The following PRR5L variants were observed in gnomAD, a reference collection of about 807,000 sequenced individuals.
The protein encoded by PRR5L is proline rich 5 like.
In PRR5L, 21 loss-of-function variants were observed where a neutral mutation model predicts 36.4. The observed-to-expected ratio is 0.58, with a 90% CI of 0.41 to 0.83. The LOEUF (loss-of-function observed/expected upper bound fraction) is 0.83. PRR5L is among the 40% of genes least tolerant of loss of function. The probability of loss-of-function intolerance (pLI) is 0.00; values close to 1 mark genes in which losing one functional copy is unlikely to be tolerated. For missense variants in PRR5L, 381 were observed against 473.3 expected (o/e 0.80, Z 1.81); for synonymous variants, 188 against 197.0 (o/e 0.95, Z 0.38).
chr11:36,432,163 G>GTTTTGTT (rs1564947448), intron 5 of PRR5L, among the ~76,000 whole-genome samples: 1 of 7,952 alleles, frequency 1.3e-4, no homozygotes, highest in East Asian at 2.4e-3. Flanking sequence ...GTTTTTTTTT[G>GTTTTGTT]TTTTGTTTTT....
At chr11:36,319,400 C>T (rs1856590776) in intron 1 of PRR5L, among the ~76,000 whole-genome samples, 1 of 152,216 alleles carries the variant, frequency 6.6e-6, no homozygotes, top group Non-Finnish European at 1.5e-5. Context: ...ATCTGAGTCC[C>T]TTGATCTAGC....
chr11:36,429,511 T>TC lies in PRR5L; in HGVS notation c.295-2336dup, dbSNP rs1564946515. Among the ~76,000 whole-genome samples the TC allele has an allele frequency of 5.3e-5, 8 of 151,602 alleles. No homozygotes were observed. The South Asian group carries it at 1.5e-3, about 28-fold the overall frequency. ...GTCCATGCCTCAGTTCCCCCTATCC[T>TC]CCCCCCATGTAGATAATTATAGTGA... On this transcript the variant is annotated intron_variant, in intron 4 of 8. Coordinates refer to ENST00000530639, the MANE Select transcript of PRR5L (RefSeq NM_001160167.2).
chr11:36,330,521 G>T (rs543975687), intron 1 of PRR5L, among the ~76,000 whole-genome samples: 1 of 152,106 alleles, frequency 6.6e-6, no homozygotes, highest in Non-Finnish European at 1.5e-5. Context: ...CCTTTCCGTG[G>T]GTCTTGAGAG....
intron 4 of PRR5L, among the ~76,000 whole-genome samples, chr11:36,422,328 G>T (rs768552194): frequency 6.6e-6 from 1 of 152,172 alleles, no homozygotes; most frequent in Non-Finnish European, 1.5e-5. Flanking sequence ...CAGAAAGTGT[G>T]TTCCTCCAGT....
chr11:36,460,293 C>A (rs565479692), intron 8 of PRR5L, among the ~76,000 whole-genome samples: 1 of 152,142 alleles, frequency 6.6e-6, no homozygotes, highest in Admixed American at 6.5e-5. Context: ...GTCTGTCAGC[C>A]GGTGGAGGTT....
intron 1 of PRR5L, among the ~76,000 whole-genome samples, chr11:36,370,434 G>T (rs576950122): frequency 6.6e-6 from 1 of 152,196 alleles, no homozygotes; most frequent in African/African-American, 2.4e-5. Flanking sequence ...GTTTCCATGT[G>T]TAATGTTTGT....
At chr11:36,447,614 A>G (rs562495465) in intron 7 of PRR5L, among the ~76,000 whole-genome samples, 2 of 152,306 alleles carry the variant, frequency 1.3e-5, no homozygotes, top group Admixed American at 6.5e-5. Context: ...TGATCAGGCT[A>G]GTGATGACCC....
chr11:36,380,808 C>A (rs979042185), intron 1 of PRR5L, among the ~76,000 whole-genome samples: 2 of 152,076 alleles, frequency 1.3e-5, no homozygotes, highest in Non-Finnish European at 2.9e-5. Context: ...GCTTTCCCCC[C>A]CTTTTAAAAA....
chr11:36,451,057 C>T (rs1459476961), intron 7 of PRR5L, 152 bp from the exon 8 acceptor site: 10 of 894,272 alleles, frequency 1.1e-5, no homozygotes, highest in Admixed American at 6.6e-5. Flanking sequence ...GGCTTCAGGC[C>T]TCAGTTTCCT....
intron 1 of PRR5L, among the ~76,000 whole-genome samples, chr11:36,339,342 C>T (rs1838871): frequency 0.083 from 12,702 of 152,274 alleles, 1,755 homozygotes; most frequent in African/African-American, 0.29. Flanking sequence ...GATCCACTCA[C>T]CTTGGCCTCC....
At chr11:36,421,178 C>T (rs1858257536) in intron 4 of PRR5L, among the ~76,000 whole-genome samples, 1 of 152,142 alleles carries the variant, frequency 6.6e-6, no homozygotes, top group South Asian at 2.1e-4. Context: ...TTGCCTTCCT[C>T]CTTGACATTT....
intron 6 of PRR5L, among the ~76,000 whole-genome samples, chr11:36,437,965 C>T (rs979201252): frequency 2.0e-5 from 3 of 152,138 alleles, no homozygotes; most frequent in Admixed American, 6.5e-5. Flanking sequence ...GAAGAATGCT[C>T]GACTAGGAAT....
chr11:36,450,622 T>G (rs1242416317), intron 7 of PRR5L, among the ~76,000 whole-genome samples: 2 of 152,246 alleles, frequency 1.3e-5, no homozygotes, highest in Non-Finnish European at 2.9e-5. Context: ...CTTATAGCCC[T>G]GAACTTTTCC....
intron 8 of PRR5L, chr11:36,454,871 C>A (rs1859019721): frequency 6.6e-6 from 1 of 152,266 alleles, no homozygotes; most frequent in Non-Finnish European, 1.5e-5. Flanking sequence ...GTGCCGCTCT[C>A]TCCAAAGCAG....
At chr11:36,389,614 ATT>A (rs368918273) in intron 1 of PRR5L, among the ~76,000 whole-genome samples, 10 of 134,966 alleles carry the variant, frequency 7.4e-5, no homozygotes, top group South Asian at 2.3e-4. Context: ...AGCCCCATGT[ATT>A]TTTTTTTTTT....
At chr11:36,461,143 G>A (rs954700236) in intron 8 of PRR5L, among the ~76,000 whole-genome samples, 2 of 152,170 alleles carry the variant, frequency 1.3e-5, no homozygotes, top group Non-Finnish European at 1.5e-5. Context: ...CCTTGTTTGA[G>A]TCCCAGCTTA....
intron 1 of PRR5L, among the ~76,000 whole-genome samples, chr11:36,304,648 G>T (rs1317203941): frequency 2.6e-4 from 40 of 152,196 alleles, no homozygotes; most frequent in Admixed American, 2.6e-3. Flanking sequence ...CACAAATAGT[G>T]TTGCAGCGAA....
At chr11:36,357,059 ACTC>A (rs1426839500) in intron 1 of PRR5L, among the ~76,000 whole-genome samples, 1 of 152,198 alleles carries the variant, frequency 6.6e-6, no homozygotes, top group South Asian at 2.1e-4. Context: ...ACTCCAGTGA[ACTC>A]AATAATAATA....
At chr11:36,355,902 C>A (rs1056963333) in intron 1 of PRR5L, among the ~76,000 whole-genome samples, 2 of 151,370 alleles carry the variant, frequency 1.3e-5, no homozygotes, top group African/African-American at 2.4e-5. Context: ...AGCCTATTAA[C>A]ACCTGATCTT....
Sources: allele counts gnomAD v4.1 joint callset (sites outside exome capture counted in the v4.1 genomes callset), GRCh38; gene constraint gnomAD v4.1.1; transcripts MANE v1.5; gene names NCBI Gene and HGNC (gene_info 2026-07-23, HGNC 2026-07-21).